The following SLC25A12 variants were observed in gnomAD, a reference collection of about 807,000 sequenced individuals.
SLC25A12 encodes the protein electrogenic aspartate/glutamate antiporter SLC25A12, mitochondrial.
A neutral mutation model predicts 83.3 loss-of-function variants in SLC25A12; 32 were observed. The ratio of observed to expected loss-of-function variants is 0.38; its 90% CI spans 0.29 to 0.52. The LOEUF is 0.52. Among genes scored for constraint, SLC25A12 ranks in the 20% least tolerant of loss-of-function variants. The probability of loss-of-function intolerance (pLI) is 0.84; values close to 1 mark genes in which losing one functional copy is unlikely to be tolerated. For missense variants in SLC25A12, 611 were observed against 835.6 expected, an observed-to-expected ratio of 0.73 and a Z score of 3.31; for synonymous variants, 267 against 291.1, an observed-to-expected ratio of 0.92 and a Z score of 0.84.
At chr2:171,869,299 T>C (rs1685409002) in intron 2 of SLC25A12, among the ~76,000 whole-genome samples, 1 of 152,230 alleles carries the variant, frequency 6.6e-6, no homozygotes, top group Non-Finnish European at 1.5e-5. Flanking sequence ...TAAAAAACAC[T>C]GAATTGTATA....
chr2:171,808,125 C>G (rs1238617467), intron 13 of SLC25A12, among the ~76,000 whole-genome samples: 8 of 152,212 alleles, frequency 5.3e-5, no homozygotes, highest in Admixed American at 5.2e-4. Flanking sequence ...AAGTCTGAAA[C>G]GAACCATGTG....
At position 171,785,400 on chromosome 2, in the gene SLC25A12, A is replaced by G; in HGVS notation, c.1911T>C (p.Gly637=). 6.2e-7 allele frequency: 1 copy of G among 1,614,192 alleles called. No individual in the cohort carries two copies. Residue 637 remains glycine, a synonymous_variant, in exon 18 of 18, where the codon GGT becomes GGC. Transcript: ENST00000422440. The part of the protein sequence containing the change: ...DLPPANPDHI[G]GYRLATATFA... Reference sequence around the variant, plus strand: ...ACGTGGCTGTGGCGAGTCTGTATCCACCGATGTGATCAGGGTTGGCAGGAG... The same window carrying G: ...ACGTGGCTGTGGCGAGTCTGTATCCGCCGATGTGATCAGGGTTGGCAGGAG...
chr2:171,888,448 TA>T (rs1038802963), intron 2 of SLC25A12, among the ~76,000 whole-genome samples: 3 of 151,854 alleles, frequency 2.0e-5, no homozygotes, highest in Admixed American at 1.3e-4. Flanking sequence ...TTTTAATTAT[TA>T]TTTTTTTTGA....
Position 171,834,052 on chromosome 2 carries a change from T to C in SLC25A12, c.756A>G (p.Glu252=), listed in dbSNP as rs1185073410. The C allele has an allele frequency of 1.3e-6, 2 of 1,592,152 alleles. No homozygotes were observed. Among genetic ancestry groups the C allele is most frequent in the Admixed American group, 1.7e-5 (1 of 59,946 alleles). Residue 252 remains glutamate (E), a synonymous_variant, in exon 8 of 18, where the codon GAA becomes GAG. Coordinates refer to ENST00000422440, the MANE Select transcript of SLC25A12 (RefSeq NM_003705.5). ...TRKDVEVTKE[E]FAQSAIRYGQ... ...CATAGCGTATGGCACTCTGGGCAAATTCCTCTGGAACAGAGAAAAAAAAAG... is the reference window on the plus strand; with the variant it reads ...CATAGCGTATGGCACTCTGGGCAAACTCCTCTGGAACAGAGAAAAAAAAAG...
intron 11 of SLC25A12, among the ~76,000 whole-genome samples, chr2:171,811,998 A>C (rs1290344435): frequency 6.6e-6 from 1 of 152,214 alleles, no homozygotes; most frequent in African/African-American, 2.4e-5. Context: ...GCAGGGTTTA[A>C]TCAGTTAAAA....
At position 171,785,470 on chromosome 2, in the gene SLC25A12, G is replaced by C; in HGVS notation, c.1841C>G (p.Pro614Arg). ...CTTAGGTGTTGGTTCTGAACCAGCG[G>C]GTTTGCTGTTGACAGAAAAAAAGCC... ...WFYIDFGGLK[P>R]AGSEPTPKSR... The change falls in exon 18 of 18, where the codon CCC becomes CGC. Residue 614 changes from proline (P) to arginine (R), a missense_variant. Pro to Arg is a moderately radical substitution (Grantham distance 103). This residue lies in a region of SLC25A12 where 540 missense variants were observed against 777.5 expected (regional missense o/e 0.69). Coordinates refer to ENST00000422440, the MANE Select transcript of SLC25A12 (RefSeq NM_003705.5). 6.2e-7 allele frequency: 1 copy of C among 1,613,940 alleles called. No individual in the cohort carries two copies. Among genetic ancestry groups the C allele is most frequent in the Non-Finnish European group, 8.5e-7 (1 of 1,179,992 alleles).
intron 8 of SLC25A12, among the ~76,000 whole-genome samples, chr2:171,827,474 T>C (rs1199428781): frequency 6.6e-6 from 1 of 152,166 alleles, no homozygotes; most frequent in Non-Finnish European, 1.5e-5. Flanking sequence ...GGTTGTAGGC[T>C]GAGCCTTCAC....
intron 4 of SLC25A12, among the ~76,000 whole-genome samples, chr2:171,847,185 A>G (rs1684816076): frequency 6.6e-6 from 1 of 152,196 alleles, no homozygotes; most frequent in African/African-American, 2.4e-5. Context: ...ACTAGAACTA[A>G]TAAGATTACA....
intron 2 of SLC25A12, among the ~76,000 whole-genome samples, chr2:171,879,984 A>G (rs1236713628): frequency 6.6e-6 from 1 of 152,212 alleles, no homozygotes; most frequent in African/African-American, 2.4e-5. Flanking sequence ...GAAATTGATG[A>G]TAAGACTTTT....
intron 2 of SLC25A12, among the ~76,000 whole-genome samples, chr2:171,886,549 G>A (rs1473805223): frequency 5.5e-5 from 8 of 145,614 alleles, no homozygotes; most frequent in East Asian, 2.0e-4. Flanking sequence ...TCGCTCTGTC[G>A]CCCAGGCTGG....
chr2:171,877,553 T>A (rs1429488372), intron 2 of SLC25A12, among the ~76,000 whole-genome samples: 1 of 151,438 alleles, frequency 6.6e-6, no homozygotes, highest in Non-Finnish European at 1.5e-5. Flanking sequence ...CAATCCCAGC[T>A]ACTCGAGAGG....
At chr2:171,864,207 T>C (rs902463624) in intron 3 of SLC25A12, among the ~76,000 whole-genome samples, 18 of 152,302 alleles carry the variant, frequency 1.2e-4, no homozygotes, top group South Asian at 6.2e-4. Context: ...TTCTCAAAGT[T>C]TGTCACACAA....
chr2:171,843,373 C>T (rs1684721662), intron 5 of SLC25A12, among the ~76,000 whole-genome samples: 1 of 152,138 alleles, frequency 6.6e-6, no homozygotes, highest in African/African-American at 2.4e-5. Flanking sequence ...GTGGTTCACT[C>T]CTGTAATCCC....
intron 9 of SLC25A12, among the ~76,000 whole-genome samples, chr2:171,824,810 TC>T (rs2105876610): frequency 6.6e-6 from 1 of 152,104 alleles, no homozygotes; most frequent in East Asian, 1.9e-4. Context: ...TAAACTTTTT[TC>T]TTTTTTTTTT....
intron 14 of SLC25A12, among the ~76,000 whole-genome samples, chr2:171,792,900 T>C (rs1683511205): frequency 6.6e-6 from 1 of 152,230 alleles, no homozygotes; most frequent in Admixed American, 6.5e-5. Context: ...GTGATGGATC[T>C]ATATCAGATG....
chr2:171,828,277 AG>A (rs1246722913), intron 8 of SLC25A12, among the ~76,000 whole-genome samples: 1 of 152,210 alleles, frequency 6.6e-6, no homozygotes, highest in African/African-American at 2.4e-5. Context: ...TATCTTTCCT[AG>A]TTAAAGTCCC....
At chr2:171,860,786 T>C (rs1685139997) in intron 3 of SLC25A12, among the ~76,000 whole-genome samples, 4 of 151,670 alleles carry the variant, frequency 2.6e-5, no homozygotes, top group South Asian at 2.1e-4. Context: ...AGTCAGATGT[T>C]AATAGTAGAA....
intron 8 of SLC25A12, among the ~76,000 whole-genome samples, chr2:171,832,757 T>C (rs1684469983): frequency 6.6e-6 from 1 of 152,194 alleles, no homozygotes; most frequent in Non-Finnish European, 1.5e-5. Flanking sequence ...GCCCAAAGTA[T>C]TGTCACCTTA....
chr2:171,864,475 G>A (rs917709436), intron 3 of SLC25A12, among the ~76,000 whole-genome samples: 3 of 152,104 alleles, frequency 2.0e-5, no homozygotes, highest in Non-Finnish European at 4.4e-5. Context: ...AAAAATACCT[G>A]CAAGACAGAG....
Sources: allele counts gnomAD v4.1 joint callset (sites outside exome capture counted in the v4.1 genomes callset), GRCh38; gene constraint gnomAD v4.1.1; regional missense constraint gnomAD v4.1.1; transcripts MANE v1.5; gene names NCBI Gene and HGNC (gene_info 2026-07-23, HGNC 2026-07-21).